ZNF518A: variants seen among roughly 807,000 people sequenced by gnomAD.
The protein encoded by ZNF518A is zinc finger protein 518A, also known as zinc finger protein 518.
ZNF518A carries 47 observed loss-of-function variants against 102.7 expected under a neutral mutation model. The ratio of observed to expected loss-of-function variants is 0.46; its 90% CI spans 0.36 to 0.58. The LOEUF (loss-of-function observed/expected upper bound fraction) is 0.58, where lower values mean the gene tolerates loss of function less well. ZNF518A is among the 20% of genes least tolerant of loss of function. The pLI is 0.00. For synonymous variants in ZNF518A, 652 were observed against 594.6 expected, an observed-to-expected ratio of 1.10 and a Z score of -1.40; for missense variants, 1,793 against 1,699.8, an observed-to-expected ratio of 1.05 and a Z score of -0.96.
intron 1 of ZNF518A, among the ~76,000 whole-genome samples, chr10:96,188,746 A>G (rs1009998775): frequency 6.6e-6 from 1 of 152,200 alleles, no homozygotes; most frequent in African/African-American, 2.4e-5. Flanking sequence ...CCAAACCCCT[A>G]TATACCTGAA....
At chr10:96,151,187 G>T (rs1304301455) in intron 3 of ZNF518A, among the ~76,000 whole-genome samples, 7 of 151,872 alleles carry the variant, frequency 4.6e-5, no homozygotes, top group African/African-American at 1.7e-4. Flanking sequence ...CTTTTTTGTT[G>T]GCATTGTTGG....
chr10:96,150,490 T>G lies in ZNF518A; in HGVS notation c.-301-4836T>G, dbSNP rs78854164. ...AAGAATAAGTTGTAGATACTGAGCT[T>G]CTAATCTTGCCTGGTATTTGGAGAG... On this transcript the variant is annotated intron_variant, in intron 3 of 5. Transcript: ENST00000316045. Among the ~76,000 whole-genome samples, 124 of 151,782 alleles carry G rather than the reference T, an allele frequency of 8.2e-4. 2 individuals are homozygous for G. In the East Asian group the frequency reaches 0.023, roughly 28 times the overall value.
intron 1 of ZNF518A, among the ~76,000 whole-genome samples, chr10:96,182,306 T>C (rs189333291): frequency 4.8e-4 from 73 of 152,340 alleles, no homozygotes; most frequent in African/African-American, 1.7e-3. Context: ...CATTTCCTAA[T>C]TGAATACCCT....
intron 1 of ZNF518A, among the ~76,000 whole-genome samples, chr10:96,185,772 T>G (rs1297160775): frequency 6.6e-6 from 1 of 152,198 alleles, no homozygotes; most frequent in Non-Finnish European, 1.5e-5. Context: ...GGGAGGACAT[T>G]TAAGTCTGCA....
In ZNF518A at chr10:96,163,522, C is replaced by G. The variant is rs1293979891; in HGVS notation, c.*2748C>G. 6.0e-6 allele frequency: 1 copy of G among 166,832 alleles called. No individual in the cohort carries two copies. The highest frequency in any genetic ancestry group is 2.4e-5 in the African/African-American group (1 of 41,354). The allele number at this position is 166,832 out of a possible 1,614,324, so 10.3% of individuals were successfully genotyped here. On this transcript the variant is annotated 3_prime_UTR_variant, in exon 6 of 6. Coordinates refer to ENST00000316045, the MANE Select transcript of ZNF518A (RefSeq NM_001330736.2). ...TACTTAAAAAACATAATTCAGTTTT[C>G]AAAGAATTTATCTTGCTAAGTATTC...
chr10:96,170,882 C>T lies in ZNF518A; in HGVS notation n.35+14835C>T, dbSNP rs191044419. ...TAATGAACCCTTACAACTTAGGAGA[C>T]GTAACCCAATTTAAAGTGGGCAAAA... On this transcript the variant is annotated intron_variant and non_coding_transcript_variant, in intron 1 of 2. Coordinates refer to the ZNF518A transcript ENST00000442635. Among the ~76,000 whole-genome samples the T allele has an allele frequency of 2.3e-3, 347 of 152,092 alleles. 1 individual carries two copies. The highest frequency in any genetic ancestry group is 7.5e-3 in the African/African-American group (311 of 41,496).
chr10:96,175,879 CTT>C (rs2083200693), intron 1 of ZNF518A, among the ~76,000 whole-genome samples: 9 of 101,052 alleles, frequency 8.9e-5, no homozygotes, highest in African/African-American at 2.4e-4. Context: ...CCCTCCCTCC[CTT>C]CCTTCCTTCC....
At chr10:96,189,826 ATCC>A (rs1385731266) in intron 1 of ZNF518A, 1 of 1,181,032 alleles carries the variant, frequency 8.5e-7, no homozygotes. Context: ...AGAGTTTCAC[ATCC>A]TCCTCCTCTT....
chr10:96,133,549 AAC>A (rs2081445418), intron 2 of ZNF518A, 32 bp from the exon 3 acceptor site: 1 of 152,196 alleles, frequency 6.6e-6, no homozygotes, highest in African/African-American at 2.4e-5. Flanking sequence ...CTACCCTCAA[AAC>A]ACAGATGTCT....
downstream of ZNF518A, chr10:96,204,379 T>C (rs587766141): frequency 2.5e-3 from 2,250 of 913,354 alleles, 10 homozygotes; most frequent in Non-Finnish European, 3.3e-3. Flanking sequence ...ATTTTAAAGT[T>C]GCTCAACACC....
At position 96,158,907 on chromosome 10, in the gene ZNF518A, A is replaced by T. The variant is rs1554885235; in HGVS notation, c.2585A>T (p.Glu862Val). 5 of 1,613,596 alleles carry T rather than the reference A, an allele frequency of 3.1e-6. No individual in the cohort carries two copies. Among genetic ancestry groups the T allele is most frequent in the Non-Finnish European group, 4.2e-6 (5 of 1,179,722 alleles). Reference protein sequence around the residue: ...TNDLNLKFGKEKQVSSIPQDV... With the variant: ...TNDLNLKFGKVKQVSSIPQDV... Reference sequence around the variant, plus strand: ...GATTTGAATTTGAAATTTGGAAAAGAAAAACAAGTGTCATCAATACCACAA... The same window carrying T: ...GATTTGAATTTGAAATTTGGAAAAGTAAAACAAGTGTCATCAATACCACAA... Residue 862 changes from glutamate (E) to valine (V), a missense_variant, in exon 6 of 6, where the codon GAA (glutamate) becomes GTA (valine). Transcript: ENST00000316045.
At chr10:96,168,533 A>T (rs781914231), downstream of ZNF518A, among the ~76,000 whole-genome samples, 1 of 151,720 alleles carries the variant, frequency 6.6e-6, no homozygotes, top group Middle Eastern at 3.4e-3. Flanking sequence ...TTGTAGAGCA[A>T]TTCTGCTAGC....
Position 96,199,937 on chromosome 10 carries a change from T to A in ZNF518A, n.36-3637T>A, listed in dbSNP as rs587626070. ...TGCTTGGGAGGCTGAGGCATGAGAA[T>A]CACTTGAACTTGGGAGGCAGGCAGA... On this transcript the variant is annotated intron_variant and non_coding_transcript_variant, in intron 1 of 2. Coordinates refer to the ZNF518A transcript ENST00000442635. The A allele has an allele frequency of 6.5e-4, 290 of 447,660 alleles. 2 individuals carry two copies. Among genetic ancestry groups the A allele is most frequent in the Admixed American group, 1.9e-3 (46 of 24,720 alleles). 27.7% of individuals were successfully genotyped at this position (447,660 alleles called of 1,614,324 possible).
chr10:96,148,253 C>G (rs2082260964), intron 3 of ZNF518A, among the ~76,000 whole-genome samples: 1 of 152,116 alleles, frequency 6.6e-6, no homozygotes. Flanking sequence ...CCAGCCTGAC[C>G]AACACGGAGA....
chr10:96,201,024 C>T (rs369093277), intron 1 of ZNF518A: 1 of 1,614,084 alleles, frequency 6.2e-7, no homozygotes, highest in East Asian at 2.2e-5. Flanking sequence ...TGGGTAGGGG[C>T]CCATCCACAG....
At chr10:96,190,491 C>T (rs2083311383) in intron 1 of ZNF518A, among the ~76,000 whole-genome samples, 1 of 152,106 alleles carries the variant, frequency 6.6e-6, no homozygotes, top group South Asian at 2.1e-4. Flanking sequence ...AGATATGTGG[C>T]CTTATGGATT....
rs1184641978 is a variant in ZNF518A, at chr10:96,150,691, A to AT, written c.-301-4626dup. Among the ~76,000 whole-genome samples, 33 of 76,204 alleles carry AT rather than the reference A, an allele frequency of 4.3e-4. No homozygotes were observed. In the East Asian group the frequency reaches 0.012, roughly 27 times the overall value. The allele number at this position is 76,204 out of a possible 152,430, so 50.0% of individuals were successfully genotyped here. ...TACTGAGGTTGCTAGTTATTACTTG[A>AT]TTTTTTTTTAAGTTTTCTTTTTTTT... On this transcript the variant is annotated intron_variant, in intron 3 of 5. Coordinates refer to ENST00000316045, the MANE Select transcript of ZNF518A (RefSeq NM_001330736.2).
intron 1 of ZNF518A, among the ~76,000 whole-genome samples, chr10:96,181,963 CTG>C (rs2133893454): frequency 6.6e-6 from 1 of 152,312 alleles, no homozygotes; most frequent in South Asian, 2.1e-4. Context: ...TTCTTCCTCT[CTG>C]TGAGCATGGA....
At chr10:96,196,920 T>C in intron 1 of ZNF518A, 1 of 1,613,440 alleles carries the variant, frequency 6.2e-7, no homozygotes, top group Non-Finnish European at 8.5e-7. Context: ...CTTCACCATT[T>C]TTCTTTCTGC....
Sources: gnomAD v4.1 joint callset for allele counts (sites outside exome capture counted in the v4.1 genomes callset) on GRCh38, gnomAD v4.1.1 for gene constraint, MANE v1.5 for transcripts, NCBI Gene and HGNC (gene_info 2026-07-23, HGNC 2026-07-21) for gene names.